The following STX8 variants were observed in gnomAD, a reference collection of about 807,000 sequenced individuals.
STX8 encodes the protein syntaxin-8.
In STX8, 23 loss-of-function variants were observed where a neutral mutation model predicts 37.5. The observed-to-expected ratio is 0.61, with a 90% confidence interval of 0.44 to 0.87. The LOEUF is 0.87. STX8 is among the 40% of genes least tolerant of loss of function. The pLI is 0.00. For missense variants in STX8, 313 were observed against 284.7 expected, an observed-to-expected ratio of 1.10 and a Z score of -0.71; for synonymous variants, 115 against 99.1, an observed-to-expected ratio of 1.16 and a Z score of -0.95.
chr17:9,300,636 T>C (rs1481988752), intron 7 of STX8, among the ~76,000 whole-genome samples: 1 of 152,134 alleles, frequency 6.6e-6, no homozygotes, highest in Non-Finnish European at 1.5e-5. Context: ...ATTTATTTTA[T>C]ATCTGGCAAA....
At chr17:9,516,335 A>G (rs1905159998) in intron 4 of STX8, among the ~76,000 whole-genome samples, 1 of 126,996 alleles carries the variant, frequency 7.9e-6, no homozygotes, top group South Asian at 2.5e-4. Context: ...ATATATATAT[A>G]TATATATAGA....
intron 6 of STX8, among the ~76,000 whole-genome samples, chr17:9,434,484 A>G (rs991939173): frequency 7.9e-5 from 12 of 152,246 alleles, no homozygotes; most frequent in Non-Finnish European, 1.5e-4. Context: ...GTATAGCCAT[A>G]GTTCCAAGGC....
At chr17:9,385,986 C>T (rs1415988997) in intron 6 of STX8, among the ~76,000 whole-genome samples, 1 of 151,930 alleles carries the variant, frequency 6.6e-6, no homozygotes, top group East Asian at 1.9e-4. Flanking sequence ...GTTGGCCAGG[C>T]TGGTCTTGAA....
intron 6 of STX8, among the ~76,000 whole-genome samples, chr17:9,460,811 G>A (rs939717752): frequency 2.0e-5 from 3 of 152,040 alleles, no homozygotes; most frequent in African/African-American, 7.2e-5. Context: ...TCAAATTCTG[G>A]CTTTGACACT....
Position 9,328,181 on chromosome 17 carries a change from C to T in STX8, c.643+50371G>A, listed in dbSNP as rs537211619. ...CCACCTCCAGAGAATTTATTTATAA[C>T]CAGCTCTTACACAGAAAGGTGGTGA... On this transcript the variant is annotated intron_variant, in intron 7 of 7. Transcript: ENST00000306357. Among the ~76,000 whole-genome samples the T allele has an allele frequency of 5.3e-5, 8 of 151,926 alleles. No individual in the cohort carries two copies. In the East Asian group the frequency reaches 5.8e-4, roughly 11 times the overall value.
intron 1 of STX8, among the ~76,000 whole-genome samples, chr17:9,573,568 T>C (rs1907769208): frequency 6.6e-6 from 1 of 152,196 alleles, no homozygotes; most frequent in African/African-American, 2.4e-5. Context: ...CCAACCACCT[T>C]GGGCACAGGT....
intron 7 of STX8, among the ~76,000 whole-genome samples, chr17:9,302,540 C>T (rs1216964753): frequency 2.6e-5 from 4 of 152,034 alleles, no homozygotes; most frequent in Non-Finnish European, 5.9e-5. Flanking sequence ...CTTAAATAGC[C>T]ACCCTGCTCT....
At position 9,261,979 on chromosome 17, in the gene STX8, G is replaced by A. The variant is rs139012954; in HGVS notation, c.644-11334C>T. On this transcript the variant is annotated intron_variant, in intron 7 of 7. Transcript: ENST00000306357. The stretch of plus-strand genomic sequence containing the variant: ...AAGGTTCCAGTCAGGCTGTGGATTC[G>A]GCATTACAAACCCCTCCGTTTGTCC... Among the ~76,000 whole-genome samples, 1,100 of 152,154 alleles carry A rather than the reference G, an allele frequency of 7.2e-3. 16 individuals carry two copies. Among genetic ancestry groups the A allele is most frequent in the African/African-American group, 0.025 (1,047 of 41,506 alleles).
intron 7 of STX8, among the ~76,000 whole-genome samples, chr17:9,323,243 A>G (rs1310896005): frequency 6.6e-6 from 1 of 152,200 alleles, no homozygotes; most frequent in Admixed American, 6.5e-5. Flanking sequence ...CAGCTAATGA[A>G]CTAATAACCC....
intron 6 of STX8, among the ~76,000 whole-genome samples, chr17:9,425,982 C>A (rs779253597): frequency 2.0e-5 from 3 of 152,138 alleles, no homozygotes; most frequent in Non-Finnish European, 4.4e-5. Flanking sequence ...ATCCTTCATC[C>A]TATAATAACT....
rs1445463686 is a variant in STX8 at position 9,262,059 on chromosome 17, G to A, written c.644-11414C>T. Among the ~76,000 whole-genome samples the A allele has an allele frequency of 2.0e-5, 3 of 152,168 alleles. No individual in the cohort carries two copies. In the East Asian group the frequency reaches 5.8e-4, roughly 29 times the overall value. ...GGGACACCTGGCAGGGCGACACCAG[G>A]GTATTACTACCAAAGTTCTACAAAG... On this transcript the variant is annotated intron_variant, in intron 7 of 7. Transcript: ENST00000306357.
intron 1 of STX8, among the ~76,000 whole-genome samples, chr17:9,571,488 C>T (rs28507590): frequency 1.3e-5 from 2 of 148,876 alleles, no homozygotes; most frequent in African/African-American, 5.0e-5. Context: ...GTAATTGGGT[C>T]GGGGGGTGGC....
At chr17:9,277,222 C>T (rs1362888358) in intron 7 of STX8, among the ~76,000 whole-genome samples, 1 of 152,144 alleles carries the variant, frequency 6.6e-6, no homozygotes, top group Non-Finnish European at 1.5e-5. Flanking sequence ...GGAACACATC[C>T]TTTTCTGGTT....
intron 7 of STX8, among the ~76,000 whole-genome samples, chr17:9,360,518 G>A (rs910374139): frequency 6.6e-6 from 1 of 151,808 alleles, no homozygotes; most frequent in Non-Finnish European, 1.5e-5. Flanking sequence ...TTACAGTGTT[G>A]AGCTACCATC....
At chr17:9,398,311 A>T (rs1424875993) in intron 6 of STX8, among the ~76,000 whole-genome samples, 2 of 152,212 alleles carry the variant, frequency 1.3e-5, no homozygotes, top group African/African-American at 2.4e-5. Context: ...TTTATCTGTG[A>T]TCTTCCACCC....
rs879440662 is a variant in STX8 at position 9,396,473 on chromosome 17, AGCTGAGGTGG to A, written c.542-17830_542-17821del. ...TGAGGTGGGCGGGTCATCTGAGGTC[AGCTGAGGTGG>A]GCGGGTCATCTGAGGTCAGGAGTTC... is the stretch of plus-strand genomic sequence containing the variant. On this transcript the variant is annotated intron_variant, in intron 6 of 7. Transcript: ENST00000306357. Among the ~76,000 whole-genome samples the A allele has an allele frequency of 1.2e-3, 189 of 151,876 alleles. No homozygotes were observed. The Middle Eastern group carries it at 0.014, about 11-fold the overall frequency.
intron 7 of STX8, among the ~76,000 whole-genome samples, chr17:9,374,509 C>G (rs1348889803): frequency 6.6e-6 from 1 of 152,112 alleles, no homozygotes; most frequent in Non-Finnish European, 1.5e-5. Context: ...AAAGGAAATT[C>G]CTGAGAGGCT....
At chr17:9,552,916 A>C (rs2151914211) in intron 3 of STX8, 1 of 152,228 alleles carries the variant, frequency 6.6e-6, no homozygotes, top group Admixed American at 6.5e-5. Context: ...GGCCTCCCAA[A>C]GTGCCTGGGA....
intron 6 of STX8, among the ~76,000 whole-genome samples, chr17:9,387,695 T>A (rs1433530673): frequency 6.6e-6 from 1 of 152,234 alleles, no homozygotes; most frequent in African/African-American, 2.4e-5. Flanking sequence ...CTGAGCTTGG[T>A]ACACTGTTCT....
Sources: gnomAD v4.1 joint callset for allele counts (sites outside exome capture counted in the v4.1 genomes callset) on GRCh38, gnomAD v4.1.1 for gene constraint, MANE v1.5 for transcripts, NCBI Gene and HGNC (gene_info 2026-07-23, HGNC 2026-07-21) for gene names.